Variants in ZNF254 observed in about 807,000 individuals in gnomAD.
The protein encoded by ZNF254 is zinc finger protein 254.
ZNF254 carries 10 observed loss-of-function variants against 12.4 expected under a neutral mutation model. The ratio of observed to expected loss-of-function variants is 0.80; its 90% CI spans 0.50 to 1.36. ZNF254 has a LOEUF of 1.36. ZNF254 is among the 40% of genes most tolerant of loss of function. The pLI is 0.00. For missense variants in ZNF254, 996 were observed against 763.9 expected (o/e 1.30, Z -3.58); for synonymous variants, 305 against 253.4 (o/e 1.20, Z -1.93).
intron 3 of ZNF254, among the ~76,000 whole-genome samples, chr19:24,113,146 A>G (rs992162022): frequency 5.9e-5 from 9 of 152,232 alleles, no homozygotes; most frequent in Non-Finnish European, 4.4e-5. Context: ...ATTCCAATCA[A>G]TAGAAAAAGA....
chr19:24,126,333 A>G lies in ZNF254; in HGVS notation c.333A>G (p.Arg111=), dbSNP rs781090651. The G allele has an allele frequency of 6.2e-7, 1 of 1,607,600 alleles. No homozygotes were observed. The highest frequency in any genetic ancestry group is 2.2e-5 in the East Asian group (1 of 44,788). Residue 111 remains arginine, a synonymous_variant, in exon 4 of 4, where the codon AGA becomes AGG. Coordinates refer to ENST00000357002, the MANE Select transcript of ZNF254 (RefSeq NM_203282.4). ...EDSFQKAILR[R]YGKYGHENLQ... ...CTTTTCAAAAAGCAATACTGAGAAGATATGGAAAATATGGACATGAGAATT... is the reference window on the plus strand; with the variant it reads ...CTTTTCAAAAAGCAATACTGAGAAGGTATGGAAAATATGGACATGAGAATT...
intron 2 of ZNF254, chr19:24,046,371 T>TATATATATA (rs1970381916): frequency 1.9e-5 from 1 of 51,394 alleles, no homozygotes; most frequent in African/African-American, 7.9e-5. Context: ...TTTTATTATT[T>TATATATATA]TTTATATATA....
chr19:24,109,777 C>A (rs117742259), intron 3 of ZNF254, among the ~76,000 whole-genome samples: 1,558 of 146,220 alleles, frequency 0.011, 8 homozygotes, highest in Non-Finnish European at 0.016. Flanking sequence ...GAGTACAGTG[C>A]ATGTGATCTC....
intron 2 of ZNF254, chr19:24,065,776 T>C (rs1480633957): frequency 6.6e-6 from 1 of 152,204 alleles, no homozygotes; most frequent in African/African-American, 2.4e-5. Context: ...GTTATGACTC[T>C]CCCAAATGTG....
chr19:24,115,926 A>T (rs1208465837), intron 3 of ZNF254, among the ~76,000 whole-genome samples: 3 of 152,092 alleles, frequency 2.0e-5, no homozygotes, highest in Non-Finnish European at 4.4e-5. Flanking sequence ...GCTTGTCTGT[A>T]AAGTATTTTA....
At chr19:24,069,131 C>T (rs186477887) in intron 2 of ZNF254, among the ~76,000 whole-genome samples, 10 of 152,016 alleles carry the variant, frequency 6.6e-5, no homozygotes, top group Admixed American at 2.6e-4. Context: ...CTCAGCCTCC[C>T]GAGTAGCTGG....
intron 3 of ZNF254, among the ~76,000 whole-genome samples, chr19:24,109,940 G>A (rs949123038): frequency 2.6e-4 from 39 of 151,286 alleles, no homozygotes; most frequent in African/African-American, 7.0e-4. Flanking sequence ...TGTTGGTCAG[G>A]CAGGTCTCAA....
chr19:24,126,966 C>G lies in ZNF254; in HGVS notation c.966C>G (p.Tyr322Ter). ...AAATTCATACTAGAAAGAAACCCTA[C>G]AAGTGTGAAGAATGTGGCAAAGCAT... ...HKKIHTRKKP[Y>*]KCEECGKAFI... The change falls in exon 4 of 4, where the codon TAC becomes TAG. Residue 322 changes from tyrosine to a stop codon, truncating the protein, a stop_gained. Transcript: ENST00000357002. LOFTEE classifies it low-confidence loss of function (END_TRUNC). 6.2e-7 allele frequency: 1 copy of G among 1,613,634 alleles called. No individual in the cohort carries two copies. The highest frequency in any genetic ancestry group is 1.1e-5 in the South Asian group (1 of 91,078).
At chr19:24,069,727 C>T (rs533652266) in intron 2 of ZNF254, among the ~76,000 whole-genome samples, 36 of 151,196 alleles carry the variant, frequency 2.4e-4, no homozygotes, top group African/African-American at 7.3e-4. Context: ...CCGAGGTGGG[C>T]GGATCACAAG....
chr19:24,077,263 C>T (rs1272877449), intron 2 of ZNF254, among the ~76,000 whole-genome samples: 6 of 152,194 alleles, frequency 3.9e-5, no homozygotes, highest in Non-Finnish European at 7.3e-5. Flanking sequence ...TGTCTCTTGA[C>T]TTTCTAAAAT....
intron 2 of ZNF254, among the ~76,000 whole-genome samples, chr19:24,076,844 GCCAAAATTACTAAT>G (rs1416809046): frequency 2.0e-5 from 3 of 152,146 alleles, no homozygotes; most frequent in African/African-American, 4.8e-5. Context: ...ATCTCCTGAT[GCCAAAATTACTAAT>G]CCAATAGAAA....
intron 1 of ZNF254, among the ~76,000 whole-genome samples, chr19:24,100,682 C>CTT (rs201165548): frequency 7.5e-6 from 1 of 133,498 alleles, no homozygotes; most frequent in African/African-American, 3.2e-5. Flanking sequence ...GTCTCTCTCT[C>CTT]TTTTTTTTTT....
chr19:24,040,113 C>T (rs533020482), intron 1 of ZNF254, among the ~76,000 whole-genome samples: 142 of 152,238 alleles, frequency 9.3e-4, no homozygotes, highest in African/African-American at 3.3e-3. Context: ...AACTCCCTGC[C>T]CCAGCCCTAT....
chr19:24,053,644 C>G (rs149886435), intron 2 of ZNF254, among the ~76,000 whole-genome samples: 1 of 152,138 alleles, frequency 6.6e-6, no homozygotes, highest in Non-Finnish European at 1.5e-5. Flanking sequence ...GAACCTAGGT[C>G]GTGTGACTCT....
intron 1 of ZNF254, among the ~76,000 whole-genome samples, chr19:24,101,473 A>G (rs2145769700): frequency 1.3e-5 from 2 of 152,350 alleles, no homozygotes; most frequent in South Asian, 4.1e-4. Context: ...GAGAGGCTCC[A>G]GGTGTAAATA....
Position 24,126,419 on chromosome 19 carries a change from A to G in ZNF254, c.419A>G (p.Asn140Ser), listed in dbSNP as rs148514948. The G allele has an allele frequency of 3.0e-5, 48 of 1,603,756 alleles. No individual in the cohort carries two copies. The highest frequency in any genetic ancestry group is 3.8e-5 in the Non-Finnish European group (45 of 1,177,156). ...TATAAGGTGAACAAAGAAGGTTATAATGGACTTAACCAGTGTTTCACAACT... is the reference window on the plus strand; with the variant it reads ...TATAAGGTGAACAAAGAAGGTTATAGTGGACTTAACCAGTGTTTCACAACT... ...DEYKVNKEGYNGLNQCFTTAQ... is the reference protein window; with the variant it reads ...DEYKVNKEGYSGLNQCFTTAQ... Residue 140 changes from asparagine to serine, a missense_variant, in exon 4 of 4, where the codon AAT becomes AGT. Transcript: ENST00000357002.
At chr19:24,035,037 G>A (rs978813072) in intron 1 of ZNF254, among the ~76,000 whole-genome samples, 1 of 152,230 alleles carries the variant, frequency 6.6e-6, no homozygotes, top group Middle Eastern at 3.4e-3. Flanking sequence ...AGAGAGAAAA[G>A]GACTTTCTTT....
intron 3 of ZNF254, among the ~76,000 whole-genome samples, chr19:24,121,037 C>A (rs1344749064): frequency 6.6e-6 from 1 of 151,144 alleles, no homozygotes; most frequent in Non-Finnish European, 1.5e-5. Flanking sequence ...CAGTGCCTGG[C>A]CATCATGTAG....
chr19:24,120,887 G>T (rs1007427957), intron 3 of ZNF254, among the ~76,000 whole-genome samples: 1 of 151,894 alleles, frequency 6.6e-6, no homozygotes, highest in Admixed American at 6.6e-5. Context: ...TAACCAGGAT[G>T]GTCTCAATCT....
Sources: gnomAD v4.1 joint callset for allele counts (sites outside exome capture counted in the v4.1 genomes callset) on GRCh38, gnomAD v4.1.1 for gene constraint, MANE v1.5 for transcripts, NCBI Gene and HGNC (gene_info 2026-07-23, HGNC 2026-07-21) for gene names.